The following SCN10A variants were observed in gnomAD, a reference collection of about 807,000 sequenced individuals.
SCN10A encodes the protein sodium voltage-gated channel alpha subunit 10, also known as sodium channel protein type 10 subunit alpha.
A neutral mutation model predicts 170.7 loss-of-function variants in SCN10A; 162 were observed. That is an observed-to-expected ratio of 0.95 (90% CI 0.84 to 1.08). SCN10A has a LOEUF of 1.08. SCN10A is among the 50% of genes least tolerant of loss of function. The probability of loss-of-function intolerance (pLI) is 0.00; values close to 1 mark genes in which losing one functional copy is unlikely to be tolerated. For missense variants in SCN10A, 2,527 were observed against 2,436.9 expected (o/e 1.04, Z -0.78); for synonymous variants, 985 against 904.6 (o/e 1.09, Z -1.59).
chr3:38,763,309 T>A (rs2063896273), intron 6 of SCN10A, among the ~76,000 whole-genome samples, 196 bp downstream of exon 6: 1 of 152,178 alleles, frequency 6.6e-6, no homozygotes, highest in Admixed American at 6.5e-5. Context: ...GTTGGGACAA[T>A]AGGCTTCCAG....
chr3:38,703,580 C>T (rs1057285500), intron 26 of SCN10A, among the ~76,000 whole-genome samples: 49 of 152,212 alleles, frequency 3.2e-4, no homozygotes, highest in African/African-American at 1.0e-3. Flanking sequence ...GGACGCTTGT[C>T]TGATATTGCC....
intron 4 of SCN10A, among the ~76,000 whole-genome samples, chr3:38,782,618 A>G (rs1013790301): frequency 3.3e-5 from 5 of 152,138 alleles, no homozygotes; most frequent in African/African-American, 7.2e-5. Flanking sequence ...TTGCAAAAAA[A>G]TGTTTTACAT....
intron 19 of SCN10A, 110 bp from the exon 20 acceptor site, chr3:38,722,522 TG>T: frequency 7.6e-7 from 1 of 1,314,826 alleles, no homozygotes; most frequent in Non-Finnish European, 1.0e-6. Context: ...GTCATGCCCT[TG>T]GAAAAAAATT....
chr3:38,762,001 C>A (rs2063880126), intron 6 of SCN10A, among the ~76,000 whole-genome samples: 1 of 152,150 alleles, frequency 6.6e-6, no homozygotes, highest in Admixed American at 6.5e-5. Flanking sequence ...CTGAGACAGT[C>A]ACTGGGGCAT....
At chr3:38,721,129 C>T (rs1033555807) in intron 20 of SCN10A, among the ~76,000 whole-genome samples, 1 of 152,232 alleles carries the variant, frequency 6.6e-6, no homozygotes, top group African/African-American at 2.4e-5. Flanking sequence ...CGCACCTGTG[C>T]TCCTCCCTAA....
At chr3:38,709,118 T>G (rs1179661153) in intron 25 of SCN10A, among the ~76,000 whole-genome samples, 1 of 152,142 alleles carries the variant, frequency 6.6e-6, no homozygotes, top group Non-Finnish European at 1.5e-5. Flanking sequence ...GTGCCCTGAC[T>G]CAGTCCTTTG....
chr3:38,795,947 G>T (rs1033937352), intron 1 of SCN10A, among the ~76,000 whole-genome samples: 1 of 152,090 alleles, frequency 6.6e-6, no homozygotes, highest in Non-Finnish European at 1.5e-5. Context: ...GTGGCAGAAC[G>T]GTACTTAAAC....
intron 3 of SCN10A, among the ~76,000 whole-genome samples, chr3:38,789,822 A>G (rs747265713): frequency 1.5e-4 from 23 of 152,066 alleles, no homozygotes; most frequent in Non-Finnish European, 3.2e-4. Context: ...AAGGGAAGAA[A>G]TGTTGGTGGG....
chr3:38,762,431 G>A (rs1007524977), intron 6 of SCN10A, among the ~76,000 whole-genome samples: 37 of 152,168 alleles, frequency 2.4e-4, no homozygotes, highest in Non-Finnish European at 1.9e-4. Context: ...CCTTGGCAGA[G>A]CCCTGAGGAA....
At chr3:38,718,172 T>C (rs760552076) in intron 21 of SCN10A, among the ~76,000 whole-genome samples, 6 of 152,140 alleles carry the variant, frequency 3.9e-5, no homozygotes, top group Non-Finnish European at 7.4e-5. Flanking sequence ...CCAAGACCAA[T>C]AAGATCAGAA....
chr3:38,736,977 T>TTTTTTTTTTTTTG lies in SCN10A; in HGVS notation c.2280+2537_2280+2538insCAAAAAAAAAAAA, dbSNP rs1553618250. ...CAGAAATGTTCGTTTTTTTTTTTTTTTTTTTTTTTTTGAGACGGAGTCCCG... is the reference window on the plus strand; with the variant it reads ...CAGAAATGTTCGTTTTTTTTTTTTTTTTTTTTTTTTTTGTTTTTTTTTTTGAGACGGAGTCCCG... On this transcript the variant is annotated intron_variant, in intron 15 of 27. Transcript: ENST00000449082. 7.4e-4 allele frequency among the ~76,000 whole-genome samples: 81 copies of TTTTTTTTTTTTTG among 108,728 alleles called. 3 individuals carry two copies. Among genetic ancestry groups the TTTTTTTTTTTTTG allele is most frequent in the African/African-American group, 2.9e-3 (80 of 27,572 alleles). The allele number at this position is 108,728 out of a possible 152,430, so 71.3% of individuals were successfully genotyped here. A position where few individuals can be genotyped will look rare whatever the true frequency, so the allele number is the denominator to read the frequency against.
chr3:38,775,056 C>T (rs941363926), intron 4 of SCN10A, among the ~76,000 whole-genome samples: 5 of 152,034 alleles, frequency 3.3e-5, no homozygotes, highest in African/African-American at 9.7e-5. Flanking sequence ...AACACCTTTC[C>T]TCTTTTAAAA....
At chr3:38,710,691 C>A (rs2125988692) in intron 24 of SCN10A, among the ~76,000 whole-genome samples, 153 bp downstream of exon 24, 1 of 152,212 alleles carries the variant, frequency 6.6e-6, no homozygotes, top group East Asian at 1.9e-4. Context: ...AACAGAGAGC[C>A]AGCTGGACAC....
In SCN10A at chr3:38,750,198, A is replaced by AAC; in HGVS notation, c.1756-16_1756-15dup. On this transcript the variant is annotated splice_polypyrimidine_tract_variant and intron_variant, in intron 12 of 27. Coordinates refer to ENST00000449082, the MANE Select transcript of SCN10A (RefSeq NM_006514.4). ...TGCATCGAATGCCTGTTGAGACACA[A>AAC]ACAGAGTCAGGACGCTCCTTTAACC... The AAC allele has an allele frequency of 6.5e-7, 1 of 1,533,150 alleles. No homozygotes were observed. Among genetic ancestry groups the AAC allele is most frequent in the East Asian group, 2.2e-5 (1 of 44,492 alleles). 95.0% of individuals were successfully genotyped at this position (1,533,150 alleles called of 1,614,324 possible).
chr3:38,769,239 C>CTCTTTTTTT (rs374033766), intron 5 of SCN10A, among the ~76,000 whole-genome samples: 1 of 109,984 alleles, frequency 9.1e-6, no homozygotes, highest in African/African-American at 3.5e-5. Context: ...CTTCTGAATT[C>CTCTTTTTTT]TTTTTTTTTT....
intron 4 of SCN10A, among the ~76,000 whole-genome samples, chr3:38,775,168 T>A (rs1280790928): frequency 6.6e-6 from 1 of 152,228 alleles, no homozygotes; most frequent in Non-Finnish European, 1.5e-5. Flanking sequence ...TTCAGTATTG[T>A]GGAACTATCA....
Position 38,754,811 on chromosome 3 carries a change from G to C in SCN10A, c.1461+977C>G, listed in dbSNP as rs61349119. ...TTGCAAAAAAGTAAAATATCCTTCG[G>C]CTTAGCACAGGAAAAGAGATTGAGA... On this transcript the variant is annotated intron_variant, in intron 11 of 27. Transcript: ENST00000449082. Among the ~76,000 whole-genome samples the C allele has an allele frequency of 1.5e-3, 222 of 152,222 alleles. 1 individual carries two copies. Among genetic ancestry groups the C allele is most frequent in the Admixed American group, 5.5e-3 (84 of 15,292 alleles).
intron 8 of SCN10A, among the ~76,000 whole-genome samples, chr3:38,757,732 A>C (rs1052922946): frequency 6.6e-6 from 1 of 152,216 alleles, no homozygotes; most frequent in African/African-American, 2.4e-5. Context: ...CGCAGGTGTC[A>C]ATATATTTAT....
rs374060366 is a variant in SCN10A, at chr3:38,750,083, G to A, written c.1857C>T (p.Ser619=). Residue 619 remains serine, a synonymous_variant, in exon 13 of 28, where the codon TCC becomes TCT. Transcript: ENST00000449082. Reference sequence around the variant, plus strand: ...GTGAGCAGCACTTACCCTCAAGGACGGAGGTTATGATACTGACAACACTCA... The same window carrying A: ...GTGAGCAGCACTTACCCTCAAGGACAGAGGTTATGATACTGACAACACTCA... ...RAMSVVSIIT[S]VLEELEESEQ... 3.6e-5 allele frequency: 57 copies of A among 1,592,920 alleles called. No individual in the cohort carries two copies. The highest frequency in any genetic ancestry group is 1.7e-4 in the Middle Eastern group (1 of 6,032).
Sources: gnomAD v4.1 joint callset for allele counts (sites outside exome capture counted in the v4.1 genomes callset) on GRCh38, gnomAD v4.1.1 for gene constraint, MANE v1.5 for transcripts, NCBI Gene and HGNC (gene_info 2026-07-23, HGNC 2026-07-21) for gene names.